The following TBRG4 variants were observed in gnomAD, a reference collection of about 807,000 sequenced individuals.
TBRG4 encodes the protein FAST kinase domain-containing protein 4.
A neutral mutation model predicts 65.6 loss-of-function variants in TBRG4; 43 were observed. The observed-to-expected ratio is 0.66, with a 90% CI of 0.51 to 0.85. TBRG4 has a LOEUF of 0.85. Ranked by LOEUF, TBRG4 falls within the 40% of genes least tolerant of loss-of-function variation. The pLI is 0.00. For missense variants in TBRG4, 709 were observed against 787.9 expected, an observed-to-expected ratio of 0.90 and a Z score of 1.20; for synonymous variants, 366 against 341.4, an observed-to-expected ratio of 1.07 and a Z score of -0.79.
At chr7:45,102,843 T>C (rs1208276971) in intron 6 of TBRG4, among the ~76,000 whole-genome samples, 1 of 152,222 alleles carries the variant, frequency 6.6e-6, no homozygotes, top group Non-Finnish European at 1.5e-5. Context: ...GAGGAATCTC[T>C]GGTCCTCTGA....
intron 2 of TBRG4, 28 bp from the exon 3 acceptor site, chr7:45,105,792 T>A: frequency 6.3e-7 from 1 of 1,583,000 alleles, no homozygotes; most frequent in Non-Finnish European, 8.6e-7. Context: ...ACAGGAGAAA[T>A]GATGTGGCAC....
In TBRG4 at chr7:45,109,103, T is replaced by A. The variant is rs1033709724; in HGVS notation, c.135A>T (p.Ser45=). 4 of 1,613,906 alleles carry A rather than the reference T, an allele frequency of 2.5e-6. No individual in the cohort carries two copies. Among genetic ancestry groups the A allele is most frequent in the Non-Finnish European group, 3.4e-6 (4 of 1,179,956 alleles). Residue 45 remains serine (S), a synonymous_variant, in exon 2 of 11, where the codon TCA becomes TCT. Coordinates refer to ENST00000258770, the MANE Select transcript of TBRG4 (RefSeq NM_004749.4). ...AHKTLTSSAT[S]PISHLPGSLM... is the part of the protein sequence containing the mutation. ...AGGAACCTGGGAGGTGGGAAATGGGTGAGGTGGCTGAGGAAGTCAGAGTCT... is the reference window on the plus strand; with the variant it reads ...AGGAACCTGGGAGGTGGGAAATGGGAGAGGTGGCTGAGGAAGTCAGAGTCT...
intron 1 of TBRG4, chr7:45,110,909 G>T (rs975799622): frequency 6.6e-6 from 1 of 151,788 alleles, no homozygotes; most frequent in Non-Finnish European, 1.5e-5. Flanking sequence ...AGAGAGATCA[G>T]AGAGTCGGAG....
chr7:45,100,443 G>A lies in TBRG4; in HGVS notation c.1795-17C>T. On this transcript the variant is annotated splice_polypyrimidine_tract_variant and intron_variant, in intron 10 of 10. Coordinates refer to ENST00000258770, the MANE Select transcript of TBRG4 (RefSeq NM_004749.4). Reference sequence around the variant, plus strand: ...GAATGGGACCTAGAAGGAGGCAGGGGAGACAGGTCACATGGGCAAGGAGAT... The same window carrying A: ...GAATGGGACCTAGAAGGAGGCAGGGAAGACAGGTCACATGGGCAAGGAGAT... 1.2e-6 allele frequency: 2 copies of A among 1,604,284 alleles called. No homozygotes were observed. The highest frequency in any genetic ancestry group is 4.5e-5 in the East Asian group (2 of 44,828).
Position 45,104,636 on chromosome 7 carries a change from C to T in TBRG4, c.809G>A (p.Arg270Gln), listed in dbSNP as rs766775394. 34 of 1,613,798 alleles carry T rather than the reference C, an allele frequency of 2.1e-5. No homozygotes were observed. The highest frequency in any genetic ancestry group is 7.7e-5 in the South Asian group (7 of 91,094). ...KVLVMLAAQS[R>Q]RSVPLLRAIS... ...GGCCCGCAGCAAGGGCACGGACCGCCGGCTCTGAGCTGCCAGCATCACCAG... is the reference window on the plus strand; with the variant it reads ...GGCCCGCAGCAAGGGCACGGACCGCTGGCTCTGAGCTGCCAGCATCACCAG... The change falls in exon 4 of 11, where the codon CGG becomes CAG. Residue 270 changes from arginine (R) to glutamine (Q), a missense_variant. Arg to Gln is a conservative substitution (Grantham distance 43, BLOSUM62 1). Transcript: ENST00000258770.
intron 1 of TBRG4, among the ~76,000 whole-genome samples, chr7:45,109,625 G>A (rs867886986): frequency 2.6e-5 from 4 of 152,084 alleles, no homozygotes; most frequent in African/African-American, 9.7e-5. Context: ...CTGCAGACAC[G>A]ACCTAGACAG....
In TBRG4 at chr7:45,101,813, G is replaced by A. The variant is rs1285305985; in HGVS notation, c.1567+12C>T. The A allele has an allele frequency of 6.2e-7, 1 of 1,603,408 alleles. No individual in the cohort carries two copies. The highest frequency in any genetic ancestry group is 8.5e-7 in the Non-Finnish European group (1 of 1,179,726). ...AATGCCAGGCCCTGTGCCAACCAGG[G>A]GGAGCCCTCACCCAGCACCCAGCCA... On this transcript the variant is annotated intron_variant, in intron 8 of 10. Transcript: ENST00000258770.
intron 5 of TBRG4, chr7:45,103,788 G>C (rs1004684030): frequency 1.9e-6 from 1 of 519,524 alleles, no homozygotes; most frequent in Non-Finnish European, 3.4e-6. Flanking sequence ...TTGCGAGGGG[G>C]ATCAGTGATT....
chr7:45,109,495 G>C (rs948021650), intron 1 of TBRG4, among the ~76,000 whole-genome samples: 1 of 152,182 alleles, frequency 6.6e-6, no homozygotes, highest in East Asian at 1.9e-4. Context: ...TCAAAACTCA[G>C]GAACATTACA....
chr7:45,100,212 C>T lies in TBRG4; in HGVS notation c.*113G>A. 2.5e-6 allele frequency: 2 copies of T among 795,590 alleles called. No homozygotes were observed. Among genetic ancestry groups the T allele is most frequent in the Non-Finnish European group, 3.9e-6 (2 of 507,512 alleles). The allele number at this position is 795,590 out of a possible 1,614,324, so 49.3% of individuals were successfully genotyped here. A position where few individuals can be genotyped will look rare whatever the true frequency, so the allele number is the denominator to read the frequency against. ...GTCCCTCAGAGTGGCTGGCCACCCT[C>T]CCCACTCTGGCCAAGGTCCTGCACA... On this transcript the variant is annotated 3_prime_UTR_variant, in exon 11 of 11. Coordinates refer to ENST00000258770, the MANE Select transcript of TBRG4 (RefSeq NM_004749.4).
chr7:45,100,292 G>T lies in TBRG4; in HGVS notation c.*33C>A. ...GGCCGCCCACAGCTAGACCTCCGGC[G>T]GAGAGGCACGCAGTCCATGCTGCTG... On this transcript the variant is annotated 3_prime_UTR_variant, in exon 11 of 11. Coordinates refer to ENST00000258770, the MANE Select transcript of TBRG4 (RefSeq NM_004749.4). The T allele has an allele frequency of 6.3e-7, 1 of 1,589,438 alleles. No individual in the cohort carries two copies. The highest frequency in any genetic ancestry group is 1.1e-5 in the South Asian group (1 of 90,110).
rs964340597 is a variant in TBRG4, at chr7:45,100,182, G to A, written c.*143C>T. On this transcript the variant is annotated 3_prime_UTR_variant, in exon 11 of 11. Transcript: ENST00000258770. Reference sequence around the variant, plus strand: ...AAAGGTTTATTATACACAAGAGGACGTTCTGTCCCTCAGAGTGGCTGGCCA... The same window carrying A: ...AAAGGTTTATTATACACAAGAGGACATTCTGTCCCTCAGAGTGGCTGGCCA... The A allele has an allele frequency of 1.3e-5, 8 of 633,390 alleles. No homozygotes were observed. The highest frequency in any genetic ancestry group is 5.5e-5 in the African/African-American group (3 of 54,100). 39.2% of individuals were successfully genotyped at this position (633,390 alleles called of 1,614,324 possible).
intron 5 of TBRG4, 50 bp downstream of exon 5, chr7:45,104,047 GCA>G: frequency 6.6e-7 from 1 of 1,521,050 alleles, no homozygotes; most frequent in Non-Finnish European, 8.8e-7. Context: ...ATGGTTCCCA[GCA>G]GATGGCCAGG....
intron 6 of TBRG4, 188 bp from the exon 7 acceptor site, chr7:45,102,679 C>T: frequency 1.4e-6 from 1 of 711,986 alleles, no homozygotes. Context: ...TTGAAGGTAC[C>T]AGGAATCTTC....
intron 4 of TBRG4, 140 bp downstream of exon 4, chr7:45,104,398 C>T: frequency 6.4e-7 from 1 of 1,562,536 alleles, no homozygotes; most frequent in Non-Finnish European, 8.8e-7. Flanking sequence ...AGGAACAGGG[C>T]CCATGAGTCA....
chr7:45,105,155 T>C (rs561295790), intron 3 of TBRG4: 118 of 643,606 alleles, frequency 1.8e-4, no homozygotes, highest in Admixed American at 4.9e-4. Context: ...CCTCTCAAGA[T>C]CGTGCTGTGA....
In TBRG4 at chr7:45,111,651, C is replaced by A. The variant is rs878912602; in HGVS notation, c.-59G>T. 2.3e-6 allele frequency: 3 copies of A among 1,289,434 alleles called. No individual in the cohort carries two copies. The highest frequency in any genetic ancestry group is 3.0e-6 in the Non-Finnish European group (3 of 988,838). The allele number at this position is 1,289,434 out of a possible 1,614,324, so 79.9% of individuals were successfully genotyped here. ...CGTGCCACAAGACCTACGCAGCGAG[C>A]ACCACCGCTGACCTCCATCCGCCGC... On this transcript the variant is annotated 5_prime_UTR_variant, in exon 1 of 11. Coordinates refer to ENST00000258770, the MANE Select transcript of TBRG4 (RefSeq NM_004749.4).
Position 45,100,401 on chromosome 7 carries a change from A to C in TBRG4, c.1820T>G (p.Leu607Arg). Residue 607 changes from leucine to arginine, a missense_variant, in exon 11 of 11, where the codon CTC becomes CGC. Coordinates refer to ENST00000258770, the MANE Select transcript of TBRG4 (RefSeq NM_004749.4). ...VDVPFYEWLE[L>R]KSEWQKGAYL... ...GGCGCCTTTCTGCCATTCAGACTTG[A>C]GTTCCAGCCACTCATAGAATGGGAC... is the stretch of plus-strand genomic sequence containing the variant. The C allele has an allele frequency of 1.2e-6, 2 of 1,614,126 alleles. No individual in the cohort carries two copies. Among genetic ancestry groups the C allele is most frequent in the Non-Finnish European group, 8.5e-7 (1 of 1,180,020 alleles).
Position 45,101,614 on chromosome 7 carries a change from T to A in TBRG4, c.1568A>T (p.Asp523Val). 1 of 1,613,134 alleles carries A rather than the reference T, an allele frequency of 6.2e-7. No individual in the cohort carries two copies. The highest frequency in any genetic ancestry group is 8.5e-7 in the Non-Finnish European group (1 of 1,179,692). The change falls in exon 9 of 11, where the codon GAT (aspartate) becomes GTT (valine). Residue 523 changes from aspartate to valine, a missense_variant and splice_region_variant. By Grantham distance (152) the Asp-to-Val change is radical. Transcript: ENST00000258770. ...GTCACTGTCCAGCAGCACCTCAGCATCTGGGGAAGGGGTGTGGGATGAGAA... is the reference window on the plus strand; with the variant it reads ...GTCACTGTCCAGCAGCACCTCAGCAACTGGGGAAGGGGTGTGGGATGAGAA... ...EVATQYGWVL[D>V]AEVLLDSDGE... is the part of the protein sequence containing the mutation.
Sources: gnomAD v4.1 joint callset for allele counts (sites outside exome capture counted in the v4.1 genomes callset) on GRCh38, gnomAD v4.1.1 for gene constraint, MANE v1.5 for transcripts, NCBI Gene and HGNC (gene_info 2026-07-23, HGNC 2026-07-21) for gene names.